The following KDM2B variants were observed in gnomAD, a reference collection of about 807,000 sequenced individuals.
KDM2B encodes the protein lysine demethylase 2B.
Under a neutral mutation model 150.0 loss-of-function variants are expected in KDM2B, and 26 were observed. The ratio of observed to expected loss-of-function variants is 0.17; its 90% confidence interval spans 0.13 to 0.24. The LOEUF is 0.24. Among genes scored for constraint, KDM2B ranks in the 10% least tolerant of loss-of-function variants. The probability of loss-of-function intolerance (pLI) is 1.00; values close to 1 mark genes in which losing one functional copy is unlikely to be tolerated. For missense variants in KDM2B, 1,265 were observed against 1,816.9 expected (o/e 0.70, Z 5.52); for synonymous variants, 734 against 729.5 (o/e 1.01, Z -0.10).
intron 11 of KDM2B, among the ~76,000 whole-genome samples, chr12:121,498,277 G>A (rs1884181731): frequency 6.6e-6 from 1 of 152,074 alleles, no homozygotes; most frequent in Non-Finnish European, 1.5e-5. Flanking sequence ...CAGCCACTTA[G>A]TCCAATCCCA....
chr12:121,415,017 G>T, the KDM2B span, among the ~76,000 whole-genome samples: 1 of 151,912 alleles, frequency 6.6e-6, no homozygotes, highest in Non-Finnish European at 1.5e-5. Context: ...AATCGCTTGA[G>T]CCCGGGAGGC....
At chr12:121,418,080 G>A in the KDM2B span, 5 of 705,688 alleles carry the variant, frequency 7.1e-6, no homozygotes, top group South Asian at 7.5e-5. Flanking sequence ...GATGTATAGT[G>A]TCTGCTGAGG....
At chr12:121,569,955 G>A (rs1890973516) in intron 4 of KDM2B, among the ~76,000 whole-genome samples, 1 of 151,520 alleles carries the variant, frequency 6.6e-6, no homozygotes, top group South Asian at 2.1e-4. Context: ...CTCAAGTGAT[G>A]TGTCCCACCT....
Position 121,580,131 on chromosome 12 carries a change from C to T in KDM2B, c.126+655G>A, listed in dbSNP as rs903785935. On this transcript the variant is annotated intron_variant, in intron 1 of 22. Coordinates refer to ENST00000377071, the MANE Select transcript of KDM2B (RefSeq NM_032590.5). The stretch of plus-strand genomic sequence containing the variant: ...GGCCGAGGGGGGAAGGAGGGAAGAC[C>T]AAAGAAAACAAACCAAAAAATAAAT... The T allele has an allele frequency of 5.7e-6, 9 of 1,566,144 alleles. No homozygotes were observed. The East Asian group carries it at 2.0e-4, about 35-fold the overall frequency.
chr12:121,550,862 A>G (rs1437941115), intron 4 of KDM2B, among the ~76,000 whole-genome samples: 2 of 152,154 alleles, frequency 1.3e-5, no homozygotes, highest in Admixed American at 1.3e-4. Flanking sequence ...CGGAGGGGGA[A>G]AAATCAAAAG....
intron 13 of KDM2B, among the ~76,000 whole-genome samples, chr12:121,447,012 GAACAGCTC>G (rs1331853207): frequency 6.6e-6 from 1 of 152,150 alleles, no homozygotes; most frequent in African/African-American, 2.4e-5. Context: ...GTAACAGTGT[GAACAGCTC>G]ATTGATACAG....
the KDM2B span, among the ~76,000 whole-genome samples, chr12:121,413,671 G>A: frequency 4.5e-3 from 669 of 147,082 alleles, 2 homozygotes; most frequent in Middle Eastern, 0.011. Context: ...TCCGCCTCCC[G>A]GGTTCACGCC....
chr12:121,423,703 G>C, the KDM2B span: 1 of 823,864 alleles, frequency 1.2e-6, no homozygotes, highest in Non-Finnish European at 1.9e-6. This position sits in a 1 kb window ranked among gnomAD's most constrained non-coding sequence, Gnocchi z 4.3. Context: ...ACTACTAAGT[G>C]GGGACAGAAA....
Position 121,513,471 on chromosome 12 carries a change from T to A in KDM2B, c.1048-69A>T. The A allele has an allele frequency of 1.3e-6, 2 of 1,553,784 alleles. No individual in the cohort carries two copies. Among genetic ancestry groups the A allele is most frequent in the Non-Finnish European group, 1.8e-6 (2 of 1,131,408 alleles). The stretch of plus-strand genomic sequence containing the variant: ...GCGAAGGGGGAAGGAGGGAGAGAAG[T>A]GCGGGGCAGGCTCCCTGCAGGTGAG... On this transcript the variant is annotated intron_variant, in intron 9 of 22. Coordinates refer to ENST00000377071, the MANE Select transcript of KDM2B (RefSeq NM_032590.5). This position sits in a 1 kb window ranked among gnomAD's most constrained non-coding sequence, Gnocchi z 5.0.
At position 121,513,333 on chromosome 12, in the gene KDM2B, A is replaced by G. The variant is rs1885753360; in HGVS notation, c.1117T>C (p.Cys373Arg). The G allele has an allele frequency of 6.2e-7, 1 of 1,613,488 alleles. No homozygotes were observed. The highest frequency in any genetic ancestry group is 1.7e-5 in the Admixed American group (1 of 59,990). ...CWYVLERYVY[C>R]VTQRSHLTQE... Reference sequence around the variant, plus strand: ...GTGAGGTGGGAGCGCTGGGTCACACAGTACACGTATCTCTCCAGGACATAC... The same window carrying G: ...GTGAGGTGGGAGCGCTGGGTCACACGGTACACGTATCTCTCCAGGACATAC... The change falls in exon 10 of 23, where the codon TGT (cysteine) becomes CGT (arginine). Residue 373 changes from cysteine (C) to arginine (R), a missense_variant. Transcript: ENST00000377071. This position sits in a 1 kb window ranked among gnomAD's most constrained non-coding sequence, Gnocchi z 5.0.
rs782809108 is a variant in KDM2B, at chr12:121,440,123, G to A, written c.3611-48C>T. 21 of 1,414,478 alleles carry A rather than the reference G, an allele frequency of 1.5e-5. No individual in the cohort carries two copies. The South Asian group carries it at 1.7e-4, about 12-fold the overall frequency. The allele number at this position is 1,414,478 out of a possible 1,614,324, so 87.6% of individuals were successfully genotyped here. A position where few individuals can be genotyped will look rare whatever the true frequency, so the allele number is the denominator to read the frequency against. ...GCAACCCGTCAATCTGACCGAGGAG[G>A]CCTGGTCATGCTGACATGACACTCT... On this transcript the variant is annotated intron_variant, in intron 21 of 22. Transcript: ENST00000377071.
intron 4 of KDM2B, among the ~76,000 whole-genome samples, chr12:121,566,515 G>A (rs142928801): frequency 0.064 from 9,681 of 152,024 alleles, 449 homozygotes; most frequent in East Asian, 0.24. Context: ...CCAGCTACTC[G>A]GGAGGCTGAG....
chr12:121,567,624 AAG>A (rs1216699443), intron 4 of KDM2B, among the ~76,000 whole-genome samples: 1 of 152,112 alleles, frequency 6.6e-6, no homozygotes, highest in Non-Finnish European at 1.5e-5. Flanking sequence ...ACAAGCCAAG[AAG>A]AGAGACCTTC....
At chr12:121,445,492 G>A in intron 13 of KDM2B, 74 bp from the exon 14 acceptor site, 2 of 1,440,578 alleles carry the variant, frequency 1.4e-6, no homozygotes, top group East Asian at 2.5e-5. Context: ...CAGTTCAAGG[G>A]CAATGAGCTG....
chr12:121,507,799 T>C (rs565123077), intron 11 of KDM2B, among the ~76,000 whole-genome samples: 55 of 151,700 alleles, frequency 3.6e-4, no homozygotes, highest in African/African-American at 1.3e-3. Context: ...TCGCTTGAGC[T>C]CAGTAGTTTG....
At chr12:121,466,762 C>G (rs1313088870) in intron 12 of KDM2B, among the ~76,000 whole-genome samples, 1 of 147,754 alleles carries the variant, frequency 6.8e-6, no homozygotes, top group East Asian at 2.0e-4. Context: ...TCCGGGTGCT[C>G]CCGGGGCAGC....
chr12:121,516,095 G>A (rs1282011542), intron 9 of KDM2B, among the ~76,000 whole-genome samples: 1 of 152,142 alleles, frequency 6.6e-6, no homozygotes, highest in Non-Finnish European at 1.5e-5. Context: ...ACGGACAAAA[G>A]ATTTTGGAAC....
intron 13 of KDM2B, among the ~76,000 whole-genome samples, chr12:121,448,834 A>T (rs1876738544): frequency 6.6e-6 from 1 of 152,252 alleles, no homozygotes; most frequent in African/African-American, 2.4e-5. Flanking sequence ...CCCATGAGCT[A>T]TTTGGGAAGA....
At chr12:121,500,143 T>C (rs1276075698) in intron 11 of KDM2B, among the ~76,000 whole-genome samples, 1 of 151,952 alleles carries the variant, frequency 6.6e-6, no homozygotes, top group Non-Finnish European at 1.5e-5. Flanking sequence ...GAAAAGAAGA[T>C]TATTCTAATT....
Sources: gnomAD v4.1 joint callset for allele counts (sites outside exome capture counted in the v4.1 genomes callset) on GRCh38, gnomAD v4.1.1 for gene constraint, Gnocchi (gnomAD v3.1) non-coding constraint, MANE v1.5 for transcripts, NCBI Gene and HGNC (gene_info 2026-07-23, HGNC 2026-07-21) for gene names.